The following KCNQ1 variants were observed in gnomAD, a reference collection of about 807,000 sequenced individuals.
KCNQ1 encodes the protein potassium voltage-gated channel subfamily KQT member 1.
KCNQ1 carries 49 observed loss-of-function variants against 72.4 expected under a neutral mutation model. That is an observed-to-expected ratio of 0.68 (90% CI 0.54 to 0.86). KCNQ1 has a LOEUF of 0.86. Ranked by LOEUF, KCNQ1 falls within the 40% of genes least tolerant of loss-of-function variation. The pLI is 0.00. For synonymous variants in KCNQ1, 450 were observed against 412.6 expected, an observed-to-expected ratio of 1.09 and a Z score of -1.10; for missense variants, 790 against 945.1, an observed-to-expected ratio of 0.84 and a Z score of 2.15.
chr11:2,768,969 G>C lies in KCNQ1; in HGVS notation c.1590+50G>C, dbSNP rs556988766. 180 of 1,445,274 alleles carry C rather than the reference G, an allele frequency of 1.2e-4. No homozygotes were observed. The South Asian group carries it at 2.0e-3, about 16-fold the overall frequency. The allele number at this position is 1,445,274 out of a possible 1,614,324, so 89.5% of individuals were successfully genotyped here. On this transcript the variant is annotated intron_variant, in intron 12 of 15. Transcript: ENST00000155840. The surrounding 1 kb of genome is among the most constrained non-coding windows in gnomAD (Gnocchi z 6.7). ...GCCCTCAGCCTGCCCCTCGCAGCCT[G>C]ATGCAGCTGCCCACACCTCTCCTGG...
At position 2,758,354 on chromosome 11, in the gene KCNQ1, G is replaced by A. The variant is rs142699623; in HGVS notation, c.1515-10490G>A. On this transcript the variant is annotated intron_variant, in intron 11 of 15. Coordinates refer to ENST00000155840, the MANE Select transcript of KCNQ1 (RefSeq NM_000218.3). Reference sequence around the variant, plus strand: ...AATGCAGATTAAAACCACAGTGAGCGGTCACTACGCACCTATCAGAATGGC... The same window carrying A: ...AATGCAGATTAAAACCACAGTGAGCAGTCACTACGCACCTATCAGAATGGC... 8.9e-4 allele frequency among the ~76,000 whole-genome samples: 136 copies of A among 152,238 alleles called. 2 individuals are homozygous for A. The East Asian group carries it at 0.023, about 26-fold the overall frequency.
chr11:2,758,272 A>T (rs1846335880), intron 11 of KCNQ1, among the ~76,000 whole-genome samples: 1 of 152,250 alleles, frequency 6.6e-6, no homozygotes, highest in African/African-American at 2.4e-5. Context: ...TTCACCAAAG[A>T]AAATAAATAG....
At position 2,716,417 on chromosome 11, in the gene KCNQ1, C is replaced by G. The variant is rs548399965; in HGVS notation, c.1515-52427C>G. ...AAAAGGTGGCCCATTGGCCAGAACA[C>G]AGTCCCCAAGCCTCCTCAGCTAGGC... is the stretch of plus-strand genomic sequence containing the variant. On this transcript the variant is annotated intron_variant, in intron 11 of 15. Coordinates refer to ENST00000155840, the MANE Select transcript of KCNQ1 (RefSeq NM_000218.3). Among the ~76,000 whole-genome samples the G allele has an allele frequency of 3.3e-5, 5 of 152,304 alleles. No homozygotes were observed. In the South Asian group the frequency reaches 1.0e-3, roughly 32 times the overall value.
chr11:2,537,927 G>A lies in KCNQ1; in HGVS notation c.477+9909G>A, dbSNP rs1213075244. The stretch of plus-strand genomic sequence containing the variant: ...GATAGGGTTTTGCCATGTTACCTAG[G>A]CTGGTCTTAAACTCCTGAGTTCAAA... On this transcript the variant is annotated intron_variant, in intron 2 of 15. Coordinates refer to ENST00000155840, the MANE Select transcript of KCNQ1 (RefSeq NM_000218.3). This position sits in a 1 kb window ranked among gnomAD's most constrained non-coding sequence, Gnocchi z 5.2. Among the ~76,000 whole-genome samples the A allele has an allele frequency of 1.3e-5, 2 of 152,080 alleles. No homozygotes were observed. Among genetic ancestry groups the A allele is most frequent in the Non-Finnish European group, 1.5e-5 (1 of 68,024 alleles).
At chr11:2,757,582 C>T (rs1484198808) in intron 11 of KCNQ1, among the ~76,000 whole-genome samples, 1 of 152,088 alleles carries the variant, frequency 6.6e-6, no homozygotes, top group Non-Finnish European at 1.5e-5. Context: ...GTTCTAAAAT[C>T]TATATGGAAA....
chr11:2,848,715 G>A lies in KCNQ1; in HGVS notation c.*712G>A, dbSNP rs745447199. Reference sequence around the variant, plus strand: ...AGCTGGAGAGGAGCCCTGCCTCTCCGCCCCTGAGCCCACTGTGCGTGGGGC... The same window carrying A: ...AGCTGGAGAGGAGCCCTGCCTCTCCACCCCTGAGCCCACTGTGCGTGGGGC... On this transcript the variant is annotated 3_prime_UTR_variant, in exon 16 of 16. Coordinates refer to ENST00000155840, the MANE Select transcript of KCNQ1 (RefSeq NM_000218.3). The A allele has an allele frequency of 3.8e-5, 17 of 451,698 alleles. 1 individual carries two copies. Among genetic ancestry groups the A allele is most frequent in the African/African-American group, 6.0e-5 (3 of 49,924 alleles). The allele number at this position is 451,698 out of a possible 1,614,324, so 28.0% of individuals were successfully genotyped here.
intron 7 of KCNQ1, among the ~76,000 whole-genome samples, chr11:2,584,656 TGTTAGTGTGTGG>T (rs1463162169): frequency 2.6e-5 from 4 of 151,930 alleles, no homozygotes; most frequent in Non-Finnish European, 4.4e-5. Context: ...TTTTTGTGTG[TGTTAGTGTGTGG>T]GTTAGTGTTT....
intron 11 of KCNQ1, chr11:2,662,581 G>A (rs923338429): frequency 1.2e-5 from 5 of 421,214 alleles, no homozygotes; most frequent in African/African-American, 6.1e-5. Flanking sequence ...GGCCTGGGAT[G>A]CATGCCCGTC....
intron 12 of KCNQ1, among the ~76,000 whole-genome samples, chr11:2,770,489 C>T (rs1300868547): frequency 1.3e-5 from 2 of 152,352 alleles, no homozygotes; most frequent in East Asian, 1.9e-4. Context: ...TTCTGGCCAC[C>T]GGGCCACCAT....
chr11:2,590,710 T>G (rs972710969), intron 10 of KCNQ1, among the ~76,000 whole-genome samples: 4 of 152,254 alleles, frequency 2.6e-5, no homozygotes, highest in Non-Finnish European at 5.9e-5. Flanking sequence ...TTCCAAGGCA[T>G]GTCCCTCTAA....
chr11:2,843,461 T>G (rs1314768074), intron 15 of KCNQ1, among the ~76,000 whole-genome samples: 4 of 152,232 alleles, frequency 2.6e-5, no homozygotes, highest in Non-Finnish European at 5.9e-5. Flanking sequence ...GCCTGGTCTT[T>G]AGACACTGCC....
chr11:2,706,978 G>A (rs533291933), intron 11 of KCNQ1, among the ~76,000 whole-genome samples: 2 of 152,288 alleles, frequency 1.3e-5, no homozygotes, highest in African/African-American at 4.8e-5. Flanking sequence ...TTTAGGAAAT[G>A]TAACGGGTGA....
At chr11:2,754,742 C>CTCTTACTGGATAATATACGTTTATTAGTA (rs1846273763) in intron 11 of KCNQ1, among the ~76,000 whole-genome samples, 1 of 152,222 alleles carries the variant, frequency 6.6e-6, no homozygotes, top group Non-Finnish European at 1.5e-5. Flanking sequence ...AACCTTAAAA[C>CTCTTACTGGATAATATACGTTTATTAGTA]TCTTACTGGA....
In KCNQ1 at chr11:2,617,031, A is replaced by T. The variant is rs12282307; in HGVS notation, c.1393+28177A>T. 4,908 of 398,206 alleles carry T rather than the reference A, an allele frequency of 0.012. 126 individuals are homozygous for T. Among genetic ancestry groups the T allele is most frequent in the African/African-American group, 0.055 (2,701 of 48,684 alleles). 24.7% of individuals were successfully genotyped at this position (398,206 alleles called of 1,614,324 possible). A position where few individuals can be genotyped will look rare whatever the true frequency, so the allele number is the denominator to read the frequency against. On this transcript the variant is annotated intron_variant, in intron 10 of 15. Transcript: ENST00000155840. The surrounding 1 kb of genome is among the most constrained non-coding windows in gnomAD (Gnocchi z 4.6). ...AAACATACAGTTAAATCGTTAACAT[A>T]GTGATGCAAATTAATATGTCCATCA...
chr11:2,499,569 C>A, intron 1 of KCNQ1, among the ~76,000 whole-genome samples: 1 of 144,640 alleles, frequency 6.9e-6, no homozygotes, highest in Non-Finnish European at 1.5e-5. Context: ...TTACAAGAAA[C>A]ACATTTCAAC....
intron 11 of KCNQ1, among the ~76,000 whole-genome samples, chr11:2,754,309 C>T (rs1846267654): frequency 6.6e-6 from 1 of 152,254 alleles, no homozygotes; most frequent in Non-Finnish European, 1.5e-5. Context: ...AGAGCCTCTG[C>T]TGGGCTTTCT....
At chr11:2,644,255 T>C (rs1211579813) in intron 10 of KCNQ1, 5 of 398,568 alleles carry the variant, frequency 1.3e-5, no homozygotes, top group Non-Finnish European at 2.2e-5. Context: ...TATAGTCACA[T>C]AGCCTTTGTT....
In KCNQ1 at chr11:2,550,472, G is replaced by T. The variant is rs972704903; in HGVS notation, c.478-20156G>T. ...TGTTCCTCCCTAGGCAGCTCCATGC[G>T]CGGGCCCCGGAGCTGGAAAGCAGCC... On this transcript the variant is annotated intron_variant, in intron 2 of 15. Coordinates refer to ENST00000155840, the MANE Select transcript of KCNQ1 (RefSeq NM_000218.3). This position sits in a 1 kb window ranked among gnomAD's most constrained non-coding sequence, Gnocchi z 6.0. Among the ~76,000 whole-genome samples, 7 of 152,196 alleles carry T rather than the reference G, an allele frequency of 4.6e-5. No individual in the cohort carries two copies. The highest frequency in any genetic ancestry group is 1.4e-4 in the African/African-American group (6 of 41,440).
chr11:2,572,781 C>A, intron 5 of KCNQ1, 65 bp from the exon 6 acceptor site: 1 of 1,605,444 alleles, frequency 6.2e-7, no homozygotes, highest in Non-Finnish European at 8.5e-7. Context: ...CTGCCTTAGG[C>A]GTCTGCACAG....
Sources: allele counts gnomAD v4.1 joint callset (sites outside exome capture counted in the v4.1 genomes callset), GRCh38; gene constraint gnomAD v4.1.1; non-coding constraint Gnocchi (gnomAD v3.1); transcripts MANE v1.5; gene names NCBI Gene and HGNC (gene_info 2026-07-23, HGNC 2026-07-21).